The following EP400 variants were observed in gnomAD, a reference collection of about 807,000 sequenced individuals.
EP400 encodes the protein E1A binding protein p400.
EP400 carries 105 observed loss-of-function variants against 354.1 expected under a neutral mutation model. The observed-to-expected ratio is 0.30, with a 90% confidence interval of 0.25 to 0.35. EP400 has a LOEUF of 0.35. Ranked by LOEUF, EP400 falls within the 10% of genes least tolerant of loss-of-function variation. The pLI is 1.00. For missense variants in EP400, 3,280 were observed against 4,121.0 expected (o/e 0.80, Z 5.59); for synonymous variants, 1,646 against 1,716.9 (o/e 0.96, Z 1.02).
At position 132,028,261 on chromosome 12, in the gene EP400, G is replaced by A. The variant is rs1405092923; in HGVS notation, c.5354G>A (p.Gly1785Glu). 3 of 1,614,042 alleles carry A rather than the reference G, an allele frequency of 1.9e-6. No individual in the cohort carries two copies. Reference protein sequence around the residue: ...SELMLTLCRCGESLQDVIDRV... With the variant: ...SELMLTLCRCEESLQDVIDRV... The stretch of plus-strand genomic sequence containing the variant: ...CTGATGTTGACGCTTTGTCGGTGTG[G>A]AGAGTCTCTGCAGGATGTTATTGAC... Residue 1785 changes from glycine to glutamate, a missense_variant, in exon 27 of 53, where the codon GGA becomes GAA. Physicochemically the swap from Gly to Glu is moderately conservative, Grantham distance 98 (BLOSUM62 -2). Around this residue, in one of 20 missense-constraint regions of EP400, gnomAD observed 459 missense variants for 496.9 expected, o/e 0.92. Transcript: ENST00000389561.
At chr12:132,004,906 T>C (rs982999372) in intron 12 of EP400, among the ~76,000 whole-genome samples, 171 bp from the exon 13 acceptor site, 2 of 152,252 alleles carry the variant, frequency 1.3e-5, no homozygotes, top group African/African-American at 4.8e-5. Flanking sequence ...AGTGTGCTTT[T>C]AGACAATATA....
In EP400 at chr12:132,028,113, C is replaced by T; in HGVS notation, c.5206C>T (p.Leu1736=). The change falls in exon 27 of 53, where the codon CTA becomes TTA. Residue 1736 remains leucine, a synonymous_variant. Coordinates refer to ENST00000389561, the MANE Select transcript of EP400 (RefSeq NM_015409.5). ...SQAPVYGRDL[L]RICALPSHGR... ...AGCTCCAGTCTATGGCAGAGACTTG[C>T]TAAGGATTTGTGCCCTGCCTAGCCA... is the stretch of plus-strand genomic sequence containing the variant. The T allele has an allele frequency of 6.2e-7, 1 of 1,614,208 alleles. No individual in the cohort carries two copies. Among genetic ancestry groups the T allele is most frequent in the Non-Finnish European group, 8.5e-7 (1 of 1,180,038 alleles).
rs1430285808 is a variant in EP400 at position 132,029,022 on chromosome 12, A to G, written c.5382-679A>G. 2 of 152,570 alleles carry G rather than the reference A, an allele frequency of 1.3e-5. No individual in the cohort carries two copies. Among genetic ancestry groups the G allele is most frequent in the African/African-American group, 4.8e-5 (2 of 41,460 alleles). The allele number at this position is 152,570 out of a possible 1,614,324, so 9.5% of individuals were successfully genotyped here. A position where few individuals can be genotyped will look rare whatever the true frequency, so the allele number is the denominator to read the frequency against. ...GTGCTTCTCCAAGGCCGAACAAGCC[A>G]CTTCTGGCTTCTCCTGGTCTGGGAG... On this transcript the variant is annotated intron_variant, in intron 27 of 52. Transcript: ENST00000389561. This position sits in a 1 kb window ranked among gnomAD's most constrained non-coding sequence, Gnocchi z 4.7.
intron 1 of EP400, among the ~76,000 whole-genome samples, chr12:131,960,252 A>G (rs1891834303): frequency 6.6e-6 from 1 of 152,158 alleles, no homozygotes; most frequent in African/African-American, 2.4e-5. Flanking sequence ...TGTGAGTAGT[A>G]CCTACCCCAC....
chr12:132,045,922 C>T (rs1433187161), intron 39 of EP400, 22 bp downstream of exon 39: 2 of 1,612,744 alleles, frequency 1.2e-6, no homozygotes, highest in Middle Eastern at 1.7e-4. Flanking sequence ...CTCGTTTGTC[C>T]TTCGAGGAGA....
At chr12:131,958,907 C>T (rs1170458357) in intron 1 of EP400, among the ~76,000 whole-genome samples, 1 of 152,226 alleles carries the variant, frequency 6.6e-6, no homozygotes, top group Non-Finnish European at 1.5e-5. Context: ...TTGCGATGAA[C>T]AAGGGGTCTT....
At position 132,025,570 on chromosome 12, in the gene EP400, G is replaced by A; in HGVS notation, c.4856-76G>A. 5.6e-6 allele frequency: 8 copies of A among 1,423,068 alleles called. No individual in the cohort carries two copies. The South Asian group carries it at 1.1e-4, about 19-fold the overall frequency. The allele number at this position is 1,423,068 out of a possible 1,614,324, so 88.2% of individuals were successfully genotyped here. ...CAGTTTGTCAACTTATTTTTGTACT[G>A]TTTGGAAGTGCCTGGAGTGTGTGGC... On this transcript the variant is annotated intron_variant, in intron 24 of 52. Coordinates refer to ENST00000389561, the MANE Select transcript of EP400 (RefSeq NM_015409.5). This position sits in a 1 kb window ranked among gnomAD's most constrained non-coding sequence, Gnocchi z 4.1.
chr12:132,047,354 T>C (rs562725453), intron 39 of EP400, among the ~76,000 whole-genome samples: 4 of 152,336 alleles, frequency 2.6e-5, no homozygotes, highest in South Asian at 4.1e-4. Flanking sequence ...AAATATTGTA[T>C]TGGGGGAACC....
In EP400 at chr12:132,025,179, T is replaced by C. The variant is rs145782797; in HGVS notation, c.4856-467T>C. Among the ~76,000 whole-genome samples the C allele has an allele frequency of 3.1e-4, 47 of 152,256 alleles. No individual in the cohort carries two copies. Among genetic ancestry groups the C allele is most frequent in the African/African-American group, 1.1e-3 (47 of 41,528 alleles). On this transcript the variant is annotated intron_variant, in intron 24 of 52. Coordinates refer to ENST00000389561, the MANE Select transcript of EP400 (RefSeq NM_015409.5). This position sits in a 1 kb window ranked among gnomAD's most constrained non-coding sequence, Gnocchi z 4.1. ...AGAGATGACCTGGGAAACTATCTTC[T>C]CCAGAGTAAAAGAAGTCAGAAAGAT...
rs138213921 is a variant in EP400, at chr12:132,028,177, G to C, written c.5270G>C (p.Arg1757Pro). The C allele has an allele frequency of 1.2e-6, 2 of 1,614,174 alleles. No homozygotes were observed. The highest frequency in any genetic ancestry group is 1.7e-5 in the Admixed American group (1 of 60,012). The change falls in exon 27 of 53, where the codon CGT (arginine) becomes CCT (proline). Residue 1757 changes from arginine to proline, a missense_variant. Coordinates refer to ENST00000389561, the MANE Select transcript of EP400 (RefSeq NM_015409.5). ...TGGCGTGGGTCCCTGGATGGCCGTC[G>C]TGGGAAGGAGGCCGGGCCAGCGCAC... Reference protein sequence around the residue: ...VQWRGSLDGRRGKEAGPAHSY... With the variant: ...VQWRGSLDGRPGKEAGPAHSY...
chr12:131,960,470 GT>G lies in EP400; in HGVS notation c.-35-112del, dbSNP rs572991257. ...ATATTGAATGTGAGTCAGCTCTGTCGTTTGAATCAGATGCGGTGGGAATGTA... is the reference window on the plus strand; with the variant it reads ...ATATTGAATGTGAGTCAGCTCTGTCGTTGAATCAGATGCGGTGGGAATGTA... On this transcript the variant is annotated intron_variant, in intron 1 of 52. Transcript: ENST00000389561. The G allele has an allele frequency of 6.0e-5, 62 of 1,037,954 alleles. 1 individual carries two copies. The South Asian group carries it at 1.0e-3, about 17-fold the overall frequency. 64.3% of individuals were successfully genotyped at this position (1,037,954 alleles called of 1,614,324 possible). A position where few individuals can be genotyped will look rare whatever the true frequency, so the allele number is the denominator to read the frequency against.
intron 10 of EP400, 109 bp from the exon 11 acceptor site, chr12:131,992,064 C>A: frequency 1.7e-6 from 2 of 1,165,424 alleles, no homozygotes; most frequent in Non-Finnish European, 2.5e-6. Context: ...GGCAGCCTAG[C>A]AGGCTTGCCC....
At position 132,067,590 on chromosome 12, in the gene EP400, C is replaced by A; in HGVS notation, c.8874+104C>A. 2 of 1,485,948 alleles carry A rather than the reference C, an allele frequency of 1.3e-6. No homozygotes were observed. Among genetic ancestry groups the A allele is most frequent in the Non-Finnish European group, 1.8e-6 (2 of 1,112,476 alleles). The allele number at this position is 1,485,948 out of a possible 1,614,324, so 92.0% of individuals were successfully genotyped here. On this transcript the variant is annotated intron_variant, in intron 50 of 52. Transcript: ENST00000389561. This position sits in a 1 kb window ranked among gnomAD's most constrained non-coding sequence, Gnocchi z 5.3. ...ACAAATCCCCATGTGGCGGCTCACG[C>A]TTTTCAGAGGGTGGCTTCAAGGGCT...
chr12:131,958,257 C>T (rs1453390564), intron 1 of EP400, among the ~76,000 whole-genome samples: 2 of 152,110 alleles, frequency 1.3e-5, no homozygotes, highest in African/African-American at 2.4e-5. Context: ...GCTCCTGTCC[C>T]CTGCACCCAC....
In EP400 at chr12:132,025,900, C is replaced by T; in HGVS notation, c.5014+96C>T. 2 of 1,371,110 alleles carry T rather than the reference C, an allele frequency of 1.5e-6. No homozygotes were observed. Among genetic ancestry groups the T allele is most frequent in the Non-Finnish European group, 1.9e-6 (2 of 1,038,446 alleles). The allele number at this position is 1,371,110 out of a possible 1,614,324, so 84.9% of individuals were successfully genotyped here. ...AGCATTCATGTGTCTTTGACTGTAT[C>T]TCAGAACAGCACAGTCTAGTGTGTG... On this transcript the variant is annotated intron_variant, in intron 25 of 52. Transcript: ENST00000389561. This position sits in a 1 kb window ranked among gnomAD's most constrained non-coding sequence, Gnocchi z 4.1.
chr12:131,981,438 C>T (rs1272712409), intron 3 of EP400, 51 bp from the exon 4 acceptor site: 3 of 1,430,544 alleles, frequency 2.1e-6, no homozygotes, highest in Non-Finnish European at 2.9e-6. Flanking sequence ...TCTACTACTT[C>T]TCTGGTTTTA....
chr12:131,971,829 C>T (rs1892296981), intron 2 of EP400, among the ~76,000 whole-genome samples: 1 of 152,092 alleles, frequency 6.6e-6, no homozygotes, highest in Admixed American at 6.6e-5. Flanking sequence ...CTTTCCTCCT[C>T]CACATCGTAT....
Position 132,045,915 on chromosome 12 carries a change from G to A in EP400, c.7200+15G>A, listed in dbSNP as rs768731968. ...AGGAGGGGAAGGTAAGCACGGTCTCGTTTGTCCTTCGAGGAGAGCACAGGC... is the reference window on the plus strand; with the variant it reads ...AGGAGGGGAAGGTAAGCACGGTCTCATTTGTCCTTCGAGGAGAGCACAGGC... On this transcript the variant is annotated intron_variant, in intron 39 of 52. Transcript: ENST00000389561. The A allele has an allele frequency of 1.9e-6, 3 of 1,613,650 alleles. No individual in the cohort carries two copies. Among genetic ancestry groups the A allele is most frequent in the South Asian group, 1.1e-5 (1 of 90,980 alleles).
chr12:132,037,717 T>C lies in EP400; in HGVS notation c.5987T>C (p.Leu1996Ser). The change falls in exon 31 of 53, where the codon TTG (leucine) becomes TCG (serine). Residue 1996 changes from leucine (L) to serine (S), a missense_variant. This residue lies in a region of EP400 where 60 missense variants were observed against 109.9 expected (regional missense o/e 0.55). Transcript: ENST00000389561. ...VSGNSIEEKL[L>S]KNGTKDLIRE... ...GGCAATTCCATTGAAGAGAAATTGT[T>C]GAAAAATGGAACTAAAGATCTGATC... is the stretch of plus-strand genomic sequence containing the variant. 1 of 1,614,226 alleles carries C rather than the reference T, an allele frequency of 6.2e-7. No individual in the cohort carries two copies. The highest frequency in any genetic ancestry group is 8.5e-7 in the Non-Finnish European group (1 of 1,180,040).
Sources: allele counts gnomAD v4.1 joint callset (sites outside exome capture counted in the v4.1 genomes callset), GRCh38; gene constraint gnomAD v4.1.1; regional missense constraint gnomAD v4.1.1; non-coding constraint Gnocchi (gnomAD v3.1); transcripts MANE v1.5; gene names NCBI Gene and HGNC (gene_info 2026-07-23, HGNC 2026-07-21).